Variants in TGFBR2 observed in about 807,000 individuals in gnomAD.
The protein encoded by TGFBR2 is TGF-beta receptor type-2.
A neutral mutation model predicts 49.0 loss-of-function variants in TGFBR2; 18 were observed. The ratio of observed to expected loss-of-function variants is 0.37; its 90% CI spans 0.25 to 0.54. The LOEUF is 0.54. Ranked by LOEUF, TGFBR2 falls within the 20% of genes least tolerant of loss-of-function variation. TGFBR2 has a pLI of 0.85. For synonymous variants in TGFBR2, 282 were observed against 275.9 expected (o/e 1.02, Z -0.22); for missense variants, 525 against 722.6 (o/e 0.73, Z 3.13).
chr3:30,650,160 A>G (rs1698852173), intron 2 of TGFBR2, 110 bp from the exon 3 acceptor site: 1 of 1,147,218 alleles, frequency 8.7e-7, no homozygotes, highest in Non-Finnish European at 1.3e-6. Context: ...GAACAACTTC[A>G]TGAAGGAAAA....
intron 1 of TGFBR2, among the ~76,000 whole-genome samples, chr3:30,639,010 C>T (rs1410960589): frequency 6.6e-6 from 1 of 152,120 alleles, no homozygotes; most frequent in Non-Finnish European, 1.5e-5. Flanking sequence ...TGATCAGGGC[C>T]TCTGGGTTTG....
At position 30,676,702 on chromosome 3, in the gene TGFBR2, C is replaced by T. The variant is rs558198455; in HGVS notation, c.1396+2456C>T. ...TTCATCCTGTTCAGAATATGCATAG[C>T]CAATTCTCCAGCGTGGGTCCGGGTC... On this transcript the variant is annotated intron_variant, in intron 5 of 6. Transcript: ENST00000295754. The surrounding 1 kb of genome is among the most constrained non-coding windows in gnomAD (Gnocchi z 4.3). Among the ~76,000 whole-genome samples the T allele has an allele frequency of 4.1e-4, 63 of 152,334 alleles. No individual in the cohort carries two copies. Among genetic ancestry groups the T allele is most frequent in the African/African-American group, 1.3e-3 (55 of 41,578 alleles).
At chr3:30,636,149 ATATG>A (rs1194268328) in intron 1 of TGFBR2, among the ~76,000 whole-genome samples, 534 of 131,034 alleles carry the variant, frequency 4.1e-3, no homozygotes, top group African/African-American at 0.013. Flanking sequence ...GTGAAAATAT[ATATG>A]TATGTGTGTG....
intron 3 of TGFBR2, among the ~76,000 whole-genome samples, chr3:30,654,414 C>T (rs948610413): frequency 4.5e-4 from 68 of 152,250 alleles, no homozygotes; most frequent in Middle Eastern, 3.4e-3. Context: ...GGGCCTAGTG[C>T]CAGTTCCCCT....
chr3:30,651,601 T>C (rs1698888263), intron 3 of TGFBR2, among the ~76,000 whole-genome samples: 1 of 152,270 alleles, frequency 6.6e-6, no homozygotes, highest in Non-Finnish European at 1.5e-5. Context: ...ATGGATCTTA[T>C]CATGTCCCTG....
intron 2 of TGFBR2, among the ~76,000 whole-genome samples, chr3:30,648,355 A>G (rs1195617731): frequency 6.6e-6 from 1 of 151,532 alleles, no homozygotes; most frequent in Non-Finnish European, 1.5e-5. Flanking sequence ...TCACAAGGAA[A>G]AGAGACCATG....
At chr3:30,674,033 A>G (rs1699388106) in intron 4 of TGFBR2, 72 bp from the exon 5 acceptor site, 3 of 1,594,836 alleles carry the variant, frequency 1.9e-6, no homozygotes, top group African/African-American at 1.3e-5. Flanking sequence ...AGGGGCCACC[A>G]TCAGCTATAT....
intron 1 of TGFBR2, among the ~76,000 whole-genome samples, chr3:30,641,690 C>A (rs72849374): frequency 6.6e-6 from 1 of 152,110 alleles, no homozygotes; most frequent in African/African-American, 2.4e-5. Flanking sequence ...ACTGCCCTTC[C>A]CACCATATGC....
intron 1 of TGFBR2, among the ~76,000 whole-genome samples, chr3:30,628,514 G>T (rs1428966254): frequency 1.2e-4 from 14 of 114,528 alleles, no homozygotes; most frequent in South Asian, 5.8e-4. Flanking sequence ...AAAAGCCTTT[G>T]AAAAAGCCTG....
At chr3:30,635,218 C>T (rs1698507094) in intron 1 of TGFBR2, among the ~76,000 whole-genome samples, 1 of 152,216 alleles carries the variant, frequency 6.6e-6, no homozygotes, top group Non-Finnish European at 1.5e-5. Context: ...TGCTAGAATT[C>T]TGAAATACTG....
chr3:30,649,990 C>T (rs758405833), intron 2 of TGFBR2, among the ~76,000 whole-genome samples: 14 of 152,104 alleles, frequency 9.2e-5, no homozygotes, highest in Non-Finnish European at 1.6e-4. Context: ...AGTTCTCCAC[C>T]AGGACTGCCC....
chr3:30,622,879 C>G (rs1162710985), intron 1 of TGFBR2, among the ~76,000 whole-genome samples: 1 of 75,624 alleles, frequency 1.3e-5, no homozygotes, highest in Non-Finnish European at 2.3e-5. Flanking sequence ...GACTTTGTCT[C>G]AAAAAAAAAA....
intron 1 of TGFBR2, among the ~76,000 whole-genome samples, chr3:30,635,361 A>G (rs1342205152): frequency 6.6e-6 from 1 of 152,256 alleles, no homozygotes; most frequent in African/African-American, 2.4e-5. Flanking sequence ...AAAAAACAGA[A>G]AAATAAATGA....
At chr3:30,658,843 G>A (rs955277740) in intron 3 of TGFBR2, among the ~76,000 whole-genome samples, 3 of 152,154 alleles carry the variant, frequency 2.0e-5, no homozygotes, top group Non-Finnish European at 4.4e-5. Context: ...CAGCCAGCTG[G>A]TTCCCTCTGG....
At chr3:30,686,185 C>T (rs1251034517) in intron 5 of TGFBR2, among the ~76,000 whole-genome samples, 6 of 152,132 alleles carry the variant, frequency 3.9e-5, no homozygotes, top group South Asian at 2.1e-4. Context: ...ATTCTTACTA[C>T]GTATAAGGCA....
rs1699444084 is a variant in TGFBR2, at chr3:30,676,680, ATCCTGT to A, written c.1396+2437_1396+2442del. Among the ~76,000 whole-genome samples the A allele has an allele frequency of 6.6e-6, 1 of 152,172 alleles. No homozygotes were observed. The highest frequency in any genetic ancestry group is 2.4e-5 in the African/African-American group (1 of 41,438). On this transcript the variant is annotated intron_variant, in intron 5 of 6. Transcript: ENST00000295754. The surrounding 1 kb of genome is among the most constrained non-coding windows in gnomAD (Gnocchi z 4.3). ...GCACCACTGCTGGCTCTGATTCTTC[ATCCTGT>A]TCAGAATATGCATAGCCAATTCTCC...
chr3:30,625,071 C>T (rs1698307271), intron 1 of TGFBR2, among the ~76,000 whole-genome samples: 1 of 152,110 alleles, frequency 6.6e-6, no homozygotes, highest in Non-Finnish European at 1.5e-5. Flanking sequence ...TGGAATAATA[C>T]CTTTTATATA....
intron 1 of TGFBR2, among the ~76,000 whole-genome samples, chr3:30,612,275 G>C (rs1202348863): frequency 6.6e-6 from 1 of 152,176 alleles, no homozygotes; most frequent in East Asian, 1.9e-4. Context: ...TGGATGGAAA[G>C]ATGGATCCTG....
chr3:30,690,726 G>T (rs980851276), intron 6 of TGFBR2, among the ~76,000 whole-genome samples: 1 of 152,204 alleles, frequency 6.6e-6, no homozygotes, highest in African/African-American at 2.4e-5. Flanking sequence ...AAATTTAGGG[G>T]AATGGAGGGA....
Sources: gnomAD v4.1 joint callset for allele counts (sites outside exome capture counted in the v4.1 genomes callset) on GRCh38, gnomAD v4.1.1 for gene constraint, Gnocchi (gnomAD v3.1) non-coding constraint, MANE v1.5 for transcripts, NCBI Gene and HGNC (gene_info 2026-07-23, HGNC 2026-07-21) for gene names.